ACAD11: variants seen among roughly 807,000 people sequenced by gnomAD.
The protein encoded by ACAD11 is acyl-CoA dehydrogenase family member 11, also known as acyl-Coenzyme A dehydrogenase family, member 11.
ACAD11 carries 83 observed loss-of-function variants against 102.2 expected under a neutral mutation model. That is an observed-to-expected ratio of 0.81 (90% CI 0.68 to 0.97). The LOEUF (loss-of-function observed/expected upper bound fraction) is 0.97. Ranked by LOEUF, ACAD11 falls within the 50% of genes least tolerant of loss-of-function variation. The pLI is 0.00. For synonymous variants in ACAD11, 324 were observed against 319.8 expected (o/e 1.01, Z -0.14); for missense variants, 901 against 951.7 (o/e 0.95, Z 0.70).
In ACAD11 at chr3:132,642,695, G is replaced by A. The variant is rs141617993; in HGVS notation, c.357C>T (p.Tyr119=). ...AATTTACCTGCACATGTTCCATTACGTAAAATTCTGTTCCAATGACAGAAG... is the reference window on the plus strand; with the variant it reads ...AATTTACCTGCACATGTTCCATTACATAAAATTCTGTTCCAATGACAGAAG... ...SDTSVIGTEF[Y]VMEHVQGRIF... is the part of the protein sequence containing the mutation. The change falls in exon 3 of 20, where the codon TAC becomes TAT. Residue 119 remains tyrosine (Y), a synonymous_variant. Transcript: ENST00000264990. 2.4e-4 allele frequency: 382 copies of A among 1,607,850 alleles called. No individual in the cohort carries two copies. Among genetic ancestry groups the A allele is most frequent in the Non-Finnish European group, 3.0e-4 (352 of 1,178,218 alleles).
At chr3:132,625,390 G>A (rs1454730469) in intron 9 of ACAD11, among the ~76,000 whole-genome samples, 1 of 151,976 alleles carries the variant, frequency 6.6e-6, no homozygotes, top group Non-Finnish European at 1.5e-5. Context: ...TTATTAAATT[G>A]GATTTTATTT....
chr3:132,572,273 G>A (rs992568069), intron 17 of ACAD11, among the ~76,000 whole-genome samples: 2 of 151,470 alleles, frequency 1.3e-5, no homozygotes, highest in Non-Finnish European at 2.9e-5. Context: ...AGCCAAATCG[G>A]GAATGCAATC....
intron 13 of ACAD11, among the ~76,000 whole-genome samples, chr3:132,580,393 G>A (rs932873471): frequency 6.6e-6 from 1 of 151,904 alleles, no homozygotes; most frequent in African/African-American, 2.4e-5. Context: ...CAGACTGTGG[G>A]AAATCTATAA....
chr3:132,635,997 C>T (rs1429162229), intron 5 of ACAD11, among the ~76,000 whole-genome samples: 11 of 152,108 alleles, frequency 7.2e-5, no homozygotes, highest in Non-Finnish European at 1.6e-4. Flanking sequence ...AGATGAGGCA[C>T]TTACTTATGC....
chr3:132,626,104 A>C (rs1939796157), intron 9 of ACAD11, among the ~76,000 whole-genome samples: 1 of 152,136 alleles, frequency 6.6e-6, no homozygotes, highest in South Asian at 2.1e-4. Context: ...GCTTCACATG[A>C]GCATAAGCCC....
At chr3:132,612,892 T>G (rs1030673770) in intron 11 of ACAD11, among the ~76,000 whole-genome samples, 13 of 152,068 alleles carry the variant, frequency 8.5e-5, no homozygotes, top group Non-Finnish European at 1.5e-4. Context: ...ACCCAAAGGA[T>G]TATAAATCAT....
intron 9 of ACAD11, among the ~76,000 whole-genome samples, chr3:132,620,090 G>C (rs1939554633): frequency 6.6e-6 from 1 of 152,168 alleles, no homozygotes; most frequent in Non-Finnish European, 1.5e-5. Flanking sequence ...GAGGATCAAA[G>C]ATCAGCTCTT....
intron 17 of ACAD11, among the ~76,000 whole-genome samples, chr3:132,571,850 T>C (rs924379153): frequency 2.6e-5 from 4 of 152,184 alleles, no homozygotes; most frequent in African/African-American, 9.7e-5. Flanking sequence ...TCAATAAAAT[T>C]CAACACCTCT....
chr3:132,578,700 T>A, intron 15 of ACAD11, 96 bp downstream of exon 15: 2 of 1,340,766 alleles, frequency 1.5e-6, no homozygotes, highest in Non-Finnish European at 2.1e-6. Context: ...TATCTAAGAA[T>A]CTATCTTATG....
At position 132,558,198 on chromosome 3, in the gene ACAD11, TCA is replaced by T. The variant is rs1222343719; in HGVS notation, c.*771_*772del. On this transcript the variant is annotated 3_prime_UTR_variant, in exon 20 of 20. Coordinates refer to ENST00000264990, the MANE Select transcript of ACAD11 (RefSeq NM_032169.5). The stretch of plus-strand genomic sequence containing the variant: ...TTCAAAAACAATCCTGTCTTCTAAA[TCA>T]CAACTTTTCGAGTTACAAGATTTAT... The T allele has an allele frequency of 2.0e-5, 3 of 152,164 alleles. 1 individual carries two copies. Among genetic ancestry groups the T allele is most frequent in the Non-Finnish European group, 4.4e-5 (3 of 68,024 alleles). 9.4% of individuals were successfully genotyped at this position (152,164 alleles called of 1,614,324 possible).
Position 132,559,959 on chromosome 3 carries a change from T to G in ACAD11, c.2119-17A>C, listed in dbSNP as rs1412105812. On this transcript the variant is annotated splice_polypyrimidine_tract_variant and intron_variant, in intron 18 of 19. Coordinates refer to ENST00000264990, the MANE Select transcript of ACAD11 (RefSeq NM_032169.5). ...CATTGCAATCTATATAAGCAAAATA[T>G]GAAAAGAATGCTTCTTTCTTAGACT... 6.3e-7 allele frequency: 1 copy of G among 1,586,270 alleles called. No individual in the cohort carries two copies. Among genetic ancestry groups the G allele is most frequent in the Non-Finnish European group, 8.6e-7 (1 of 1,157,904 alleles).
At chr3:132,656,848 TG>T (rs1358607500) in intron 1 of ACAD11, among the ~76,000 whole-genome samples, 6 of 143,316 alleles carry the variant, frequency 4.2e-5, no homozygotes, top group South Asian at 2.2e-4. Context: ...CTCATTGTGT[TG>T]TTTTTTTTTT....
At chr3:132,586,069 T>G (rs547375054) in intron 13 of ACAD11, among the ~76,000 whole-genome samples, 1 of 152,094 alleles carries the variant, frequency 6.6e-6, no homozygotes, top group Admixed American at 6.5e-5. Context: ...CTATTCACAA[T>G]AGCAAAGACT....
chr3:132,629,913 C>T (rs748497944), intron 7 of ACAD11, among the ~76,000 whole-genome samples: 3 of 151,956 alleles, frequency 2.0e-5, no homozygotes, highest in Non-Finnish European at 2.9e-5. Context: ...AATTTATGCT[C>T]TATTATCTTT....
intron 13 of ACAD11, among the ~76,000 whole-genome samples, chr3:132,584,868 T>C (rs1937731565): frequency 6.6e-6 from 1 of 152,172 alleles, no homozygotes; most frequent in South Asian, 2.1e-4. Context: ...TGGAAGAACA[T>C]TCTATGCTCA....
At chr3:132,658,221 A>G (rs1448837427) in intron 1 of ACAD11, among the ~76,000 whole-genome samples, 1 of 152,084 alleles carries the variant, frequency 6.6e-6, no homozygotes, top group Non-Finnish European at 1.5e-5. Flanking sequence ...GACTTCCTTC[A>G]TGGCCTATGT....
intron 11 of ACAD11, among the ~76,000 whole-genome samples, chr3:132,614,740 A>G (rs999532140): frequency 6.6e-6 from 1 of 152,194 alleles, no homozygotes; most frequent in African/African-American, 2.4e-5. Context: ...AAACCTAGGC[A>G]ATACCATTCA....
chr3:132,598,959 A>G (rs1938442986), intron 13 of ACAD11, among the ~76,000 whole-genome samples: 1 of 152,192 alleles, frequency 6.6e-6, no homozygotes, highest in Non-Finnish European at 1.5e-5. Flanking sequence ...TGGTGGAAGT[A>G]AGAAAAACGT....
intron 7 of ACAD11, among the ~76,000 whole-genome samples, chr3:132,628,953 G>C (rs940634528): frequency 1.3e-5 from 2 of 152,090 alleles, no homozygotes; most frequent in Non-Finnish European, 2.9e-5. Context: ...CTCCATTTCT[G>C]TACTTTCAAC....
Sources: allele counts gnomAD v4.1 joint callset (sites outside exome capture counted in the v4.1 genomes callset), GRCh38; gene constraint gnomAD v4.1.1; transcripts MANE v1.5; gene names NCBI Gene and HGNC (gene_info 2026-07-23, HGNC 2026-07-21).